Variants in DCDC1 observed in about 807,000 individuals in gnomAD.
DCDC1 encodes the protein doublecortin domain containing 1.
DCDC1 carries 200 observed loss-of-function variants against 178.3 expected under a neutral mutation model. The observed-to-expected ratio is 1.12, with a 90% CI of 1.00 to 1.26. The LOEUF (loss-of-function observed/expected upper bound fraction) is 1.26, where lower values mean the gene tolerates loss of function less well. Among genes scored for constraint, DCDC1 ranks in the 50% most tolerant of loss-of-function variants. The pLI, the probability that DCDC1 is intolerant of heterozygous loss-of-function variation, is 0.00. For synonymous variants in DCDC1, 690 were observed against 604.8 expected (o/e 1.14, Z -2.07); for missense variants, 1,983 against 1,749.2 (o/e 1.13, Z -2.38).
At chr11:31,034,480 T>C (rs567869967) in intron 20 of DCDC1, among the ~76,000 whole-genome samples, 1 of 152,326 alleles carries the variant, frequency 6.6e-6, no homozygotes, top group East Asian at 1.9e-4. Context: ...TCATGGTAAG[T>C]GACTTATACA....
intron 20 of DCDC1, among the ~76,000 whole-genome samples, chr11:30,971,243 C>CA (rs1012216192): frequency 4.0e-5 from 6 of 150,724 alleles, no homozygotes; most frequent in African/African-American, 7.4e-5. Context: ...AAGACACACA[C>CA]AAAAAAAAGA....
intron 6 of DCDC1, among the ~76,000 whole-genome samples, chr11:31,301,545 CAT>C (rs1209778540): frequency 1.4e-4 from 22 of 152,046 alleles, no homozygotes; most frequent in Non-Finnish European, 3.1e-4. Context: ...ATTCAGTAGA[CAT>C]ATAATGGAAG....
chr11:31,102,078 G>GAAAAAAAAA, intron 15 of DCDC1, 99 bp downstream of exon 15: 1 of 383,724 alleles, frequency 2.6e-6, no homozygotes, highest in Admixed American at 4.3e-5. Context: ...CTCCATCTCA[G>GAAAAAAAAA]AAAAAAAAAA....
At chr11:31,034,730 C>T (rs533825084) in intron 20 of DCDC1, among the ~76,000 whole-genome samples, 12 of 152,252 alleles carry the variant, frequency 7.9e-5, no homozygotes, top group Admixed American at 7.2e-4. Flanking sequence ...GTCAGAATTG[C>T]CTAAGGATAC....
chr11:30,959,317 G>A (rs141544734), intron 20 of DCDC1, among the ~76,000 whole-genome samples: 52 of 152,170 alleles, frequency 3.4e-4, no homozygotes, highest in Middle Eastern at 3.4e-3. Context: ...GGATCTGAAT[G>A]GCCTAAGAGG....
intron 12 of DCDC1, among the ~76,000 whole-genome samples, chr11:31,107,922 T>A (rs1958957621): frequency 6.6e-6 from 1 of 152,184 alleles, no homozygotes; most frequent in Non-Finnish European, 1.5e-5. Flanking sequence ...ATAGCTGTGG[T>A]CTTTTCTGGC....
chr11:31,191,047 T>C (rs1970077125), intron 9 of DCDC1, among the ~76,000 whole-genome samples: 2 of 152,122 alleles, frequency 1.3e-5, no homozygotes, highest in Admixed American at 1.3e-4. Flanking sequence ...AAATAATCCC[T>C]AGATAACTTA....
chr11:31,046,157 C>G (rs1449016106), intron 20 of DCDC1, among the ~76,000 whole-genome samples: 1 of 152,134 alleles, frequency 6.6e-6, no homozygotes, highest in African/African-American at 2.4e-5. Flanking sequence ...TGTTCTCCAT[C>G]TCTATAATTA....
At position 30,888,456 on chromosome 11, in the gene DCDC1, G is replaced by A. The variant is rs112559439; in HGVS notation, c.5082+4362C>T. Among the ~76,000 whole-genome samples the A allele has an allele frequency of 7.7e-3, 1,171 of 152,286 alleles. 17 individuals are homozygous for A. The highest frequency in any genetic ancestry group is 0.026 in the African/African-American group (1,086 of 41,554). The stretch of plus-strand genomic sequence containing the variant: ...TCTTAGGCTGGGCACGGTGGCTCAC[G>A]CCTGTAATCCCAGCACTTTGGGAGG... On this transcript the variant is annotated intron_variant, in intron 36 of 38. Transcript: ENST00000684477.
intron 20 of DCDC1, among the ~76,000 whole-genome samples, chr11:31,052,828 C>T (rs766167300): frequency 6.6e-6 from 1 of 152,068 alleles, no homozygotes; most frequent in African/African-American, 2.4e-5. Flanking sequence ...TGGGATACAG[C>T]AAAGGCAGTG....
At chr11:31,062,696 GCTAT>G (rs1956002252) in intron 20 of DCDC1, among the ~76,000 whole-genome samples, 3 of 152,122 alleles carry the variant, frequency 2.0e-5, no homozygotes, top group South Asian at 4.2e-4. Context: ...AATCACTTTT[GCTAT>G]CTATCAGAAA....
At chr11:31,233,083 A>G (rs1232139592) in intron 9 of DCDC1, among the ~76,000 whole-genome samples, 1 of 141,390 alleles carries the variant, frequency 7.1e-6, no homozygotes, top group African/African-American at 2.6e-5. Flanking sequence ...GTGAGACTTC[A>G]TCTCAAAAAA....
intron 9 of DCDC1, among the ~76,000 whole-genome samples, chr11:31,229,577 A>G (rs952644055): frequency 6.6e-6 from 1 of 152,148 alleles, no homozygotes; most frequent in African/African-American, 2.4e-5. Flanking sequence ...TATGACCTGA[A>G]TAATCAGACA....
intron 7 of DCDC1, among the ~76,000 whole-genome samples, chr11:31,289,981 T>C (rs1947108706): frequency 6.6e-6 from 1 of 152,018 alleles, no homozygotes; most frequent in African/African-American, 2.4e-5. Context: ...GAAAAATCCT[T>C]ATCTGTAAAA....
intron 3 of DCDC1, among the ~76,000 whole-genome samples, chr11:31,313,162 T>C (rs1249228527): frequency 6.6e-6 from 1 of 152,184 alleles, no homozygotes; most frequent in East Asian, 1.9e-4. Context: ...TTTTCACTTG[T>C]TGTCTTTGTT....
intron 20 of DCDC1, among the ~76,000 whole-genome samples, chr11:31,033,707 G>A (rs1207457662): frequency 6.6e-6 from 1 of 152,122 alleles, no homozygotes; most frequent in Non-Finnish European, 1.5e-5. Flanking sequence ...ACAGACCACA[G>A]ATATACAGTA....
intron 20 of DCDC1, among the ~76,000 whole-genome samples, chr11:30,973,103 C>T (rs927707309): frequency 1.3e-5 from 2 of 151,818 alleles, no homozygotes; most frequent in Admixed American, 6.6e-5. Context: ...AAAACCCCAT[C>T]TCTACTAAAA....
intron 17 of DCDC1, among the ~76,000 whole-genome samples, chr11:31,082,180 A>G (rs1277960671): frequency 6.6e-6 from 1 of 152,232 alleles, no homozygotes; most frequent in Non-Finnish European, 1.5e-5. Flanking sequence ...CAGTCATAAT[A>G]TCATGACATA....
rs1380529050 is a variant in DCDC1, at chr11:31,110,377, A to T, written c.1486-16T>A. On this transcript the variant is annotated splice_polypyrimidine_tract_variant and intron_variant, in intron 11 of 38. Coordinates refer to ENST00000684477, the MANE Select transcript of DCDC1 (RefSeq NM_001387274.1). ...TTTCAAATACCTGAAAAATAAACAT[A>T]TTCAAAAATAAAAATAAATACATGC... The T allele has an allele frequency of 8.6e-6, 6 of 697,386 alleles. No individual in the cohort carries two copies. Among genetic ancestry groups the T allele is most frequent in the African/African-American group, 1.8e-5 (1 of 56,888 alleles). The allele number at this position is 697,386 out of a possible 1,614,324, so 43.2% of individuals were successfully genotyped here.
Sources: gnomAD v4.1 joint callset for allele counts (sites outside exome capture counted in the v4.1 genomes callset) on GRCh38, gnomAD v4.1.1 for gene constraint, MANE v1.5 for transcripts, NCBI Gene and HGNC (gene_info 2026-07-23, HGNC 2026-07-21) for gene names.